Variants in SNTG1 observed in about 807,000 individuals in gnomAD.
SNTG1 encodes the protein syntrophin gamma 1, also known as gamma-1-syntrophin.
In SNTG1, 39 loss-of-function variants were observed where a neutral mutation model predicts 74.7. The observed-to-expected ratio is 0.52, with a 90% CI of 0.40 to 0.68. SNTG1 has a LOEUF of 0.68. Ranked by LOEUF, SNTG1 falls within the 30% of genes least tolerant of loss-of-function variation. SNTG1 has a pLI of 0.00. For missense variants in SNTG1, 685 were observed against 609.5 expected (o/e 1.12, Z -1.30); for synonymous variants, 254 against 217.1 (o/e 1.17, Z -1.49).
rs914897934 is a variant in SNTG1, at chr8:50,408,555, G to T, written c.162+6211G>T. Among the ~76,000 whole-genome samples, 4 of 152,172 alleles carry T rather than the reference G, an allele frequency of 2.6e-5. No individual in the cohort carries two copies. The South Asian group carries it at 8.3e-4, about 32-fold the overall frequency. ...TCTGTATCTGCACCAAGGCAGGAGA[G>T]GGTGCCATCAGCCCCAACATTAACC... On this transcript the variant is annotated intron_variant, in intron 4 of 18. Coordinates refer to ENST00000642720, the MANE Select transcript of SNTG1 (RefSeq NM_018967.5).
At chr8:50,680,926 G>C (rs1323625278) in intron 15 of SNTG1, among the ~76,000 whole-genome samples, 1 of 152,104 alleles carries the variant, frequency 6.6e-6, no homozygotes, top group East Asian at 1.9e-4. Flanking sequence ...ATTCGCTACA[G>C]TAATGTGAAA....
chr8:50,547,385 C>T (rs1280644969), intron 11 of SNTG1, among the ~76,000 whole-genome samples: 1 of 152,108 alleles, frequency 6.6e-6, no homozygotes, highest in African/African-American at 2.4e-5. Flanking sequence ...CTTGTTCTTA[C>T]ACAATTATGT....
chr8:50,741,870 G>A (rs1406172842), intron 17 of SNTG1, among the ~76,000 whole-genome samples: 4 of 152,008 alleles, frequency 2.6e-5, no homozygotes, highest in African/African-American at 4.8e-5. Context: ...GGGAAAGAGA[G>A]GGATGAGTAG....
chr8:50,391,824 G>A (rs1160569478), intron 2 of SNTG1, among the ~76,000 whole-genome samples: 3 of 151,818 alleles, frequency 2.0e-5, no homozygotes, highest in Admixed American at 6.6e-5. Flanking sequence ...GAGTAAAATG[G>A]CATTTTACTT....
At position 50,655,171 on chromosome 8, in the gene SNTG1, G is replaced by C. The variant is rs181717140; in HGVS notation, c.850-1738G>C. ...TTCCTAAGGTAACATTAGATGGTGGGTTGTCTACATTCTCTAATATGCAAC... is the reference window on the plus strand; with the variant it reads ...TTCCTAAGGTAACATTAGATGGTGGCTTGTCTACATTCTCTAATATGCAAC... On this transcript the variant is annotated intron_variant, in intron 13 of 18. Transcript: ENST00000642720. Among the ~76,000 whole-genome samples, 3 of 152,188 alleles carry C rather than the reference G, an allele frequency of 2.0e-5. No individual in the cohort carries two copies. In the East Asian group the frequency reaches 5.8e-4, roughly 29 times the overall value.
chr8:50,752,235 T>TC, intron 18 of SNTG1, 124 bp downstream of exon 18: 1 of 469,784 alleles, frequency 2.1e-6, no homozygotes, highest in East Asian at 3.3e-5. Context: ...TCTTGAAATA[T>TC]CCGTCATGGC....
intron 1 of SNTG1, among the ~76,000 whole-genome samples, chr8:50,137,755 T>A (rs1374429555): frequency 6.6e-6 from 1 of 152,102 alleles, no homozygotes; most frequent in Admixed American, 6.6e-5. Context: ...AGGAGGCAGC[T>A]TCCTGTTCTG....
chr8:50,364,838 TC>T (rs1227830780), intron 2 of SNTG1, among the ~76,000 whole-genome samples: 3 of 152,108 alleles, frequency 2.0e-5, no homozygotes, highest in African/African-American at 7.2e-5. Context: ...GTTTTTGACT[TC>T]TTACAAATCA....
chr8:50,456,802 G>A (rs1248012873), intron 8 of SNTG1, among the ~76,000 whole-genome samples: 1 of 152,088 alleles, frequency 6.6e-6, no homozygotes, highest in Non-Finnish European at 1.5e-5. Context: ...CCTTGGAGAG[G>A]AGTCTAAAAA....
chr8:50,660,531 G>A (rs2095217089), intron 15 of SNTG1, among the ~76,000 whole-genome samples: 1 of 124,052 alleles, frequency 8.1e-6, no homozygotes, highest in South Asian at 2.8e-4. Flanking sequence ...GAGGGAGAAG[G>A]AAGGAAGGAA....
chr8:50,140,513 GGTCA>G (rs1480757378), intron 1 of SNTG1, among the ~76,000 whole-genome samples: 16 of 151,990 alleles, frequency 1.1e-4, no homozygotes, highest in Admixed American at 1.0e-3. Flanking sequence ...TATGTGGTGT[GGTCA>G]GTGTGGGTAT....
At position 50,592,358 on chromosome 8, in the gene SNTG1, T is replaced by C. The variant is rs2094697272; in HGVS notation, c.849+1441T>C. Among the ~76,000 whole-genome samples, 3 of 152,170 alleles carry C rather than the reference T, an allele frequency of 2.0e-5. No homozygotes were observed. The South Asian group carries it at 6.2e-4, about 32-fold the overall frequency. On this transcript the variant is annotated intron_variant, in intron 13 of 18. Transcript: ENST00000642720. ...ACTCTAGAGCTGTGTCGTCACCCTC[T>C]CATGCCCTTTCTAAACTCAACATGG...
In SNTG1 at chr8:50,158,882, A is replaced by G. The variant is rs78003081; in HGVS notation, c.-102-13679A>G. On this transcript the variant is annotated intron_variant, in intron 1 of 18. Coordinates refer to ENST00000642720, the MANE Select transcript of SNTG1 (RefSeq NM_018967.5). ...GAGACCTTGGATATGGACACCTTTA[A>G]CTTTAATAAATAATACTAGACTATT... 5.3e-3 allele frequency among the ~76,000 whole-genome samples: 813 copies of G among 152,278 alleles called. 13 individuals carry two copies. Among genetic ancestry groups the G allele is most frequent in the African/African-American group, 0.019 (772 of 41,548 alleles).
At chr8:50,478,918 T>A (rs2093717677) in intron 8 of SNTG1, among the ~76,000 whole-genome samples, 1 of 152,176 alleles carries the variant, frequency 6.6e-6, no homozygotes, top group Non-Finnish European at 1.5e-5. Context: ...TTATTTTAAT[T>A]AATCTAATAC....
intron 1 of SNTG1, among the ~76,000 whole-genome samples, chr8:50,062,181 G>A (rs1211636800): frequency 2.0e-5 from 3 of 151,934 alleles, no homozygotes; most frequent in African/African-American, 4.8e-5. Context: ...GTAGCTGGGA[G>A]TATAGGTGCA....
intron 13 of SNTG1, chr8:50,644,521 A>C (rs2095094653): frequency 6.6e-6 from 1 of 152,214 alleles, no homozygotes; most frequent in South Asian, 2.1e-4. Context: ...TATTGTAAGA[A>C]TACAGTATAT....
At position 50,262,569 on chromosome 8, in the gene SNTG1, C is replaced by A. The variant is rs556084595; in HGVS notation, c.-28+89934C>A. On this transcript the variant is annotated intron_variant, in intron 2 of 18. Coordinates refer to ENST00000642720, the MANE Select transcript of SNTG1 (RefSeq NM_018967.5). ...GACTACAGGCACCCACCACCACGCC[C>A]AGCTAATTTTTTTATATTTTTAGTA... Among the ~76,000 whole-genome samples, 4 of 152,192 alleles carry A rather than the reference C, an allele frequency of 2.6e-5. No individual in the cohort carries two copies. The East Asian group carries it at 7.8e-4, about 30-fold the overall frequency.
chr8:49,911,292 A>C (rs1202995422), upstream of SNTG1: 2 of 152,038 alleles, frequency 1.3e-5, no homozygotes, highest in East Asian at 3.9e-4. Context: ...CTTTCCAAAG[A>C]AGCTCTGGAT....
intron 18 of SNTG1, among the ~76,000 whole-genome samples, chr8:50,781,374 G>C (rs1041420547): frequency 1.1e-4 from 17 of 152,170 alleles, no homozygotes; most frequent in African/African-American, 3.4e-4. Context: ...CTTGCTTTAT[G>C]AATCTGGGTG....
Sources: gnomAD v4.1 joint callset for allele counts (sites outside exome capture counted in the v4.1 genomes callset) on GRCh38, gnomAD v4.1.1 for gene constraint, MANE v1.5 for transcripts, NCBI Gene and HGNC (gene_info 2026-07-23, HGNC 2026-07-21) for gene names.